Variants in KLHL14 observed in about 807,000 individuals in gnomAD.
KLHL14 encodes the protein kelch like family member 14.
In KLHL14, 22 loss-of-function variants were observed where a neutral mutation model predicts 64.3. That is an observed-to-expected ratio of 0.34 (90% confidence interval 0.24 to 0.49). The LOEUF (loss-of-function observed/expected upper bound fraction) is 0.49, where lower values mean the gene tolerates loss of function less well. KLHL14 is among the 20% of genes least tolerant of loss of function. The probability of loss-of-function intolerance (pLI) is 0.99; values close to 1 mark genes in which losing one functional copy is unlikely to be tolerated. For synonymous variants in KLHL14, 322 were observed against 333.4 expected (o/e 0.97, Z 0.37); for missense variants, 661 against 789.0 (o/e 0.84, Z 1.94).
intron 5 of KLHL14, among the ~76,000 whole-genome samples, chr18:32,682,886 G>A (rs1042745667): frequency 6.6e-6 from 1 of 152,006 alleles, no homozygotes; most frequent in Admixed American, 6.6e-5. Flanking sequence ...GTGATTCTAG[G>A]GGCCTCTGAA....
At chr18:32,703,357 T>TTCTGTATGTCCTTTTTTGGAAG (rs1454202913) in intron 3 of KLHL14, among the ~76,000 whole-genome samples, 2 of 152,076 alleles carry the variant, frequency 1.3e-5, no homozygotes, top group Non-Finnish European at 2.9e-5. Flanking sequence ...GAAAAGATTG[T>TTCTGTATGTCCTTTTTTGGAAG]GATGGATGCC....
chr18:32,752,244 T>C (rs1031132126), intron 2 of KLHL14, among the ~76,000 whole-genome samples: 1 of 152,178 alleles, frequency 6.6e-6, no homozygotes, highest in African/African-American at 2.4e-5. Context: ...TCTAGGAGGA[T>C]GTTATAGATT....
intron 2 of KLHL14, among the ~76,000 whole-genome samples, chr18:32,756,255 C>T (rs2050280984): frequency 6.6e-6 from 1 of 152,198 alleles, no homozygotes; most frequent in South Asian, 2.1e-4. Context: ...GGGCATACAG[C>T]AGGAAGGCAG....
chr18:32,721,657 C>T (rs1053301891), intron 3 of KLHL14, among the ~76,000 whole-genome samples: 2 of 152,194 alleles, frequency 1.3e-5, no homozygotes, highest in East Asian at 3.9e-4. Context: ...CTTCTTCCAA[C>T]TCTTCTTTTT....
At chr18:32,725,311 T>G (rs1366588751) in intron 3 of KLHL14, among the ~76,000 whole-genome samples, 1 of 152,184 alleles carries the variant, frequency 6.6e-6, no homozygotes, top group Non-Finnish European at 1.5e-5. Context: ...ATTACAGGTG[T>G]AAGCCACCAC....
At chr18:32,675,330 G>A (rs1022853220) in intron 8 of KLHL14, among the ~76,000 whole-genome samples, 1 of 152,156 alleles carries the variant, frequency 6.6e-6, no homozygotes, top group Admixed American at 6.6e-5. Context: ...AGACAACAGA[G>A]TAAGATCTTG....
chr18:32,735,689 A>G (rs2050162616), intron 3 of KLHL14, among the ~76,000 whole-genome samples: 1 of 152,060 alleles, frequency 6.6e-6, no homozygotes, highest in African/African-American at 2.4e-5. Context: ...TATATTTTAT[A>G]CCCTTCTCTC....
chr18:32,701,772 T>C (rs2049967366), intron 3 of KLHL14, among the ~76,000 whole-genome samples: 1 of 152,064 alleles, frequency 6.6e-6, no homozygotes, highest in Non-Finnish European at 1.5e-5. Flanking sequence ...GAGGGGACAG[T>C]AGAGATGGAC....
intron 3 of KLHL14, among the ~76,000 whole-genome samples, chr18:32,721,620 AT>A (rs1239310181): frequency 6.6e-6 from 1 of 152,074 alleles, no homozygotes; most frequent in African/African-American, 2.4e-5. Flanking sequence ...TTGATACATT[AT>A]TTTTCAATGG....
chr18:32,754,753 T>TA (rs1232664865), intron 2 of KLHL14, among the ~76,000 whole-genome samples: 1 of 152,212 alleles, frequency 6.6e-6, no homozygotes, highest in East Asian at 1.9e-4. Flanking sequence ...TGCAGGGAGA[T>TA]ACTGAGAAAA....
intron 2 of KLHL14, among the ~76,000 whole-genome samples, chr18:32,756,860 T>G (rs2144545157): frequency 6.6e-6 from 1 of 152,336 alleles, no homozygotes; most frequent in East Asian, 1.9e-4. Flanking sequence ...AGAAGATATC[T>G]TCTAAAGACA....
intron 2 of KLHL14, among the ~76,000 whole-genome samples, chr18:32,766,961 C>G (rs75546774): frequency 6.6e-6 from 1 of 152,022 alleles, no homozygotes; most frequent in Non-Finnish European, 1.5e-5. Context: ...TGAAGTTATT[C>G]TATTTGCTTA....
intron 4 of KLHL14, among the ~76,000 whole-genome samples, chr18:32,687,671 C>A (rs1023347500): frequency 6.6e-6 from 1 of 152,146 alleles, no homozygotes; most frequent in Non-Finnish European, 1.5e-5. Flanking sequence ...ACAACAACAA[C>A]AAAAACTTCT....
intron 3 of KLHL14, among the ~76,000 whole-genome samples, chr18:32,699,177 TG>T (rs760609969): frequency 2.8e-4 from 43 of 152,150 alleles, no homozygotes; most frequent in Non-Finnish European, 4.3e-4. Context: ...TTGGTCTTTG[TG>T]GATGGGAAAA....
intron 3 of KLHL14, among the ~76,000 whole-genome samples, chr18:32,741,404 A>G (rs908925787): frequency 2.6e-5 from 4 of 152,226 alleles, no homozygotes; most frequent in Non-Finnish European, 5.9e-5. Context: ...CAGCTGGAAT[A>G]GGCCACAAAT....
Position 32,673,927 on chromosome 18 carries a change from G to A in KLHL14, c.*730C>T, listed in dbSNP as rs1420117696. 3 of 152,204 alleles carry A rather than the reference G, an allele frequency of 2.0e-5. No individual in the cohort carries two copies. Among genetic ancestry groups the A allele is most frequent in the Admixed American group, 6.5e-5 (1 of 15,290 alleles). 9.4% of individuals were successfully genotyped at this position (152,204 alleles called of 1,614,324 possible). ...AGCACAAACCTCCATGAACTGAATA[G>A]TGACATAATATATTTTGTTTTAATC... On this transcript the variant is annotated 3_prime_UTR_variant, in exon 9 of 9. Transcript: ENST00000359358.
chr18:32,752,310 G>A (rs2050258365), intron 2 of KLHL14, among the ~76,000 whole-genome samples: 1 of 152,046 alleles, frequency 6.6e-6, no homozygotes, highest in African/African-American at 2.4e-5. Flanking sequence ...TGGGGTGGAG[G>A]TGTCAAAAGG....
chr18:32,723,325 A>G (rs1424254927), intron 3 of KLHL14, among the ~76,000 whole-genome samples: 1 of 152,168 alleles, frequency 6.6e-6, no homozygotes, highest in Non-Finnish European at 1.5e-5. Flanking sequence ...TTTTGACCCT[A>G]CAGATGTACT....
chr18:32,702,583 T>C (rs1265422045), intron 3 of KLHL14, among the ~76,000 whole-genome samples: 1 of 151,312 alleles, frequency 6.6e-6, no homozygotes, highest in Non-Finnish European at 1.5e-5. Context: ...ATTTAAGATA[T>C]TATTAAATAA....
Sources: gnomAD v4.1 joint callset for allele counts (sites outside exome capture counted in the v4.1 genomes callset) on GRCh38, gnomAD v4.1.1 for gene constraint, MANE v1.5 for transcripts, NCBI Gene and HGNC (gene_info 2026-07-23, HGNC 2026-07-21) for gene names.